The following PITPNB variants were observed in gnomAD, a reference collection of about 807,000 sequenced individuals.
PITPNB encodes phosphatidylinositol transfer protein beta isoform.
PITPNB carries 16 observed loss-of-function variants against 45.9 expected under a neutral mutation model. That is an observed-to-expected ratio of 0.35 (90% CI 0.24 to 0.53). The LOEUF is 0.53. PITPNB is among the 20% of genes least tolerant of loss of function. The pLI is 0.93. For missense variants in PITPNB, 188 were observed against 330.5 expected, an observed-to-expected ratio of 0.57 and a Z score of 3.34; for synonymous variants, 112 against 108.9, an observed-to-expected ratio of 1.03 and a Z score of -0.18.
chr22:27,878,909 C>T (rs966090503), intron 7 of PITPNB, among the ~76,000 whole-genome samples: 1 of 152,174 alleles, frequency 6.6e-6, no homozygotes, highest in Non-Finnish European at 1.5e-5. Flanking sequence ...AAAAAATATT[C>T]TATAATTCAG....
At chr22:27,877,356 G>A (rs1370699928) in intron 7 of PITPNB, among the ~76,000 whole-genome samples, 6 of 152,198 alleles carry the variant, frequency 3.9e-5, no homozygotes, top group Admixed American at 6.5e-5. Context: ...ATTCGGATTA[G>A]TGTTAATACA....
At chr22:27,880,726 G>A (rs1304992377) in intron 7 of PITPNB, among the ~76,000 whole-genome samples, 12 of 151,894 alleles carry the variant, frequency 7.9e-5, no homozygotes, top group Admixed American at 5.9e-4. Context: ...AGGTTCAAGC[G>A]ATTCTTCTGC....
chr22:27,875,890 A>G (rs1218285580), intron 7 of PITPNB, among the ~76,000 whole-genome samples: 1 of 152,224 alleles, frequency 6.6e-6, no homozygotes, highest in African/African-American at 2.4e-5. Context: ...CCCAGGAAGT[A>G]CCTGTTAACT....
At chr22:27,860,080 A>T (rs1288747780) in intron 9 of PITPNB, 51 bp downstream of exon 9, 2 of 1,013,352 alleles carry the variant, frequency 2.0e-6, no homozygotes, top group Non-Finnish European at 3.1e-6. Flanking sequence ...ATTAATAGCT[A>T]GCTCCGATCT....
At chr22:27,914,888 A>G (rs1354482486) in intron 1 of PITPNB, among the ~76,000 whole-genome samples, 1 of 152,150 alleles carries the variant, frequency 6.6e-6, no homozygotes, top group African/African-American at 2.4e-5. Context: ...GAAAAATTTT[A>G]CTATGGAAAC....
intron 9 of PITPNB, among the ~76,000 whole-genome samples, chr22:27,858,842 T>C (rs1019882003): frequency 2.6e-5 from 4 of 152,190 alleles, no homozygotes; most frequent in African/African-American, 9.7e-5. Context: ...TAAATGTCAA[T>C]GAGCAAAGGT....
chr22:27,879,555 T>C (rs541356453), intron 7 of PITPNB, among the ~76,000 whole-genome samples: 63 of 152,214 alleles, frequency 4.1e-4, no homozygotes, highest in African/African-American at 1.4e-3. Flanking sequence ...TATTGTAATA[T>C]TGTATTTATT....
chr22:27,908,405 T>C (rs1223042262), intron 3 of PITPNB, among the ~76,000 whole-genome samples: 1 of 151,512 alleles, frequency 6.6e-6, no homozygotes, highest in African/African-American at 2.4e-5. Context: ...CAAACTGTTC[T>C]TTTCCATGCA....
At chr22:27,875,797 G>C (rs904875852) in intron 7 of PITPNB, among the ~76,000 whole-genome samples, 1 of 152,068 alleles carries the variant, frequency 6.6e-6, no homozygotes, top group Non-Finnish European at 1.5e-5. Flanking sequence ...TAAAGTAAAA[G>C]AGAACTAACA....
intron 4 of PITPNB, among the ~76,000 whole-genome samples, chr22:27,897,418 T>C (rs1418190679): frequency 2.0e-5 from 3 of 152,162 alleles, no homozygotes; most frequent in Admixed American, 1.3e-4. Context: ...ATTTATAAGG[T>C]CAATTTAGCA....
intron 3 of PITPNB, among the ~76,000 whole-genome samples, chr22:27,909,754 G>GCATATAGA (rs1935865096): frequency 6.6e-6 from 1 of 151,974 alleles, no homozygotes; most frequent in Admixed American, 6.6e-5. Context: ...GTAACCTAAG[G>GCATATAGA]CATATAGACA....
chr22:27,862,395 A>G (rs1934365076), intron 8 of PITPNB, among the ~76,000 whole-genome samples: 3 of 152,206 alleles, frequency 2.0e-5, no homozygotes, highest in African/African-American at 7.2e-5. Context: ...TGAATGTTCT[A>G]TAGAGTCCTA....
At chr22:27,897,635 G>T (rs1054030634) in intron 4 of PITPNB, among the ~76,000 whole-genome samples, 166 bp downstream of exon 4, 6 of 152,134 alleles carry the variant, frequency 3.9e-5, no homozygotes, top group Non-Finnish European at 5.9e-5. Context: ...AAGTTCTAGG[G>T]GGAGGAACCC....
intron 3 of PITPNB, among the ~76,000 whole-genome samples, chr22:27,905,585 C>T (rs1226738798): frequency 6.6e-6 from 1 of 152,122 alleles, no homozygotes; most frequent in East Asian, 1.9e-4. Flanking sequence ...CTTTTGCTTA[C>T]AAAAATGAAC....
At chr22:27,902,875 T>C (rs1461443313) in intron 3 of PITPNB, among the ~76,000 whole-genome samples, 3 of 152,152 alleles carry the variant, frequency 2.0e-5, no homozygotes, top group African/African-American at 7.2e-5. Context: ...CGCTGTACTG[T>C]GACTGGGCTA....
intron 1 of PITPNB, among the ~76,000 whole-genome samples, chr22:27,918,921 T>C (rs894273622): frequency 2.6e-5 from 4 of 150,962 alleles, no homozygotes; most frequent in Admixed American, 6.6e-5. Context: ...TCCCGAGCCA[T>C]GCGCTCGGGC....
chr22:27,910,099 C>T (rs930538227), intron 3 of PITPNB, among the ~76,000 whole-genome samples: 8 of 152,002 alleles, frequency 5.3e-5, no homozygotes, highest in Non-Finnish European at 8.8e-5. Flanking sequence ...TATAGGCGTG[C>T]GCCACCACAC....
intron 8 of PITPNB, among the ~76,000 whole-genome samples, chr22:27,869,904 C>A (rs1934601420): frequency 6.7e-6 from 1 of 149,606 alleles, no homozygotes; most frequent in Non-Finnish European, 1.5e-5. Context: ...TTTAATGGAT[C>A]TCCCTTAGTG....
intron 10 of PITPNB, among the ~76,000 whole-genome samples, chr22:27,858,176 G>C (rs1439465365): frequency 2.0e-5 from 3 of 152,168 alleles, no homozygotes; most frequent in African/African-American, 7.2e-5. Flanking sequence ...GAAAACTCTA[G>C]TCTACCTTCA....
Sources: allele counts gnomAD v4.1 joint callset (sites outside exome capture counted in the v4.1 genomes callset), GRCh38; gene constraint gnomAD v4.1.1; transcripts MANE v1.5; gene names NCBI Gene and HGNC (gene_info 2026-07-23, HGNC 2026-07-21).